The following PLPPR1 variants were observed in gnomAD, a reference collection of about 807,000 sequenced individuals.
The protein encoded by PLPPR1 is phospholipid phosphatase related 1.
Under a neutral mutation model 33.1 loss-of-function variants are expected in PLPPR1, and 10 were observed. That is an observed-to-expected ratio of 0.30 (90% confidence interval 0.19 to 0.51). The LOEUF is 0.51. Among genes scored for constraint, PLPPR1 ranks in the 20% least tolerant of loss-of-function variants. The probability of loss-of-function intolerance (pLI) is 0.97; values close to 1 mark genes in which losing one functional copy is unlikely to be tolerated. For missense variants in PLPPR1, 304 were observed against 408.1 expected, an observed-to-expected ratio of 0.74 and a Z score of 2.20; for synonymous variants, 151 against 151.0, an observed-to-expected ratio of 1.00 and a Z score of 0.00.
At chr9:101,059,604 C>A (rs1011223387) in intron 1 of PLPPR1, among the ~76,000 whole-genome samples, 2 of 151,940 alleles carry the variant, frequency 1.3e-5, no homozygotes, top group South Asian at 2.1e-4. Context: ...ATAAGGAACT[C>A]AAGCAACTCA....
intron 1 of PLPPR1, among the ~76,000 whole-genome samples, chr9:101,172,482 A>G (rs1358946106): frequency 1.3e-5 from 2 of 152,102 alleles, no homozygotes; most frequent in African/African-American, 4.8e-5. Flanking sequence ...CTGGTGAGTT[A>G]GTTAGGAGGT....
At chr9:101,161,285 G>A (rs754177981) in intron 1 of PLPPR1, among the ~76,000 whole-genome samples, 1 of 152,142 alleles carries the variant, frequency 6.6e-6, no homozygotes, top group South Asian at 2.1e-4. Context: ...CAAAGATGAC[G>A]AGAAGAATAT....
intron 2 of PLPPR1, among the ~76,000 whole-genome samples, chr9:101,200,335 T>C (rs2915422): frequency 0.88 from 134,415 of 152,070 alleles, 59,489 homozygotes; most frequent in East Asian, 0.96. Context: ...TTTCCCATCC[T>C]ATCCCATCCC....
intron 1 of PLPPR1, among the ~76,000 whole-genome samples, chr9:101,069,399 T>G (rs1830457548): frequency 6.6e-6 from 1 of 152,110 alleles, no homozygotes; most frequent in Admixed American, 6.6e-5. Context: ...TTAGAATCAC[T>G]GTGTTGCAGG....
chr9:101,169,600 G>A (rs1415966187), intron 1 of PLPPR1, among the ~76,000 whole-genome samples: 1 of 151,818 alleles, frequency 6.6e-6, no homozygotes, highest in African/African-American at 2.4e-5. Context: ...TGTTCTTATT[G>A]TTGTCTTAAA....
At chr9:101,035,638 T>A (rs1830000692) in intron 1 of PLPPR1, among the ~76,000 whole-genome samples, 1 of 152,292 alleles carries the variant, frequency 6.6e-6, no homozygotes. Flanking sequence ...ACTCTGTATT[T>A]TTTTGTGCCT....
chr9:101,205,449 A>G (rs139287053), intron 2 of PLPPR1, among the ~76,000 whole-genome samples: 5 of 152,332 alleles, frequency 3.3e-5, no homozygotes, highest in African/African-American at 7.2e-5. Context: ...CTAAGAAGAC[A>G]TAAATCATGA....
At chr9:101,187,801 A>G (rs893904703) in intron 2 of PLPPR1, 1 of 151,974 alleles carries the variant, frequency 6.6e-6, no homozygotes, top group African/African-American at 2.4e-5. Context: ...CATCAAGACA[A>G]AATCTTAAAG....
chr9:101,047,129 TACA>T (rs1830161545), intron 1 of PLPPR1, among the ~76,000 whole-genome samples: 1 of 152,230 alleles, frequency 6.6e-6, no homozygotes, highest in Non-Finnish European at 1.5e-5. Flanking sequence ...CCCTAGATAA[TACA>T]TCTTTTCTTC....
At chr9:101,231,598 C>A (rs1306377840) in intron 2 of PLPPR1, among the ~76,000 whole-genome samples, 1 of 151,900 alleles carries the variant, frequency 6.6e-6, no homozygotes, top group Non-Finnish European at 1.5e-5. Context: ...CTTTTTCTTT[C>A]GAATTTGTTT....
intron 1 of PLPPR1, among the ~76,000 whole-genome samples, chr9:101,121,810 G>A (rs899493003): frequency 3.9e-5 from 6 of 152,188 alleles, no homozygotes; most frequent in Non-Finnish European, 8.8e-5. Context: ...TCTTCCAGAA[G>A]GTAGCAGCTT....
intron 1 of PLPPR1, among the ~76,000 whole-genome samples, chr9:101,146,433 T>A (rs1455651433): frequency 1.3e-5 from 2 of 152,098 alleles, no homozygotes; most frequent in Non-Finnish European, 2.9e-5. Context: ...CCTAGAACAC[T>A]CCAAAAACTA....
chr9:101,291,573 G>A (rs1012291526), intron 4 of PLPPR1, among the ~76,000 whole-genome samples: 2 of 152,150 alleles, frequency 1.3e-5, no homozygotes, highest in Non-Finnish European at 2.9e-5. Context: ...CACACGGCCG[G>A]GTACTCCTCT....
intron 2 of PLPPR1, among the ~76,000 whole-genome samples, chr9:101,240,126 T>C (rs982703710): frequency 3.3e-5 from 5 of 152,062 alleles, no homozygotes; most frequent in Non-Finnish European, 5.9e-5. Flanking sequence ...ATCCAGTTTT[T>C]TTCTGCATCA....
intron 1 of PLPPR1, among the ~76,000 whole-genome samples, chr9:101,071,146 G>T (rs1247295731): frequency 6.6e-6 from 1 of 152,102 alleles, no homozygotes; most frequent in East Asian, 1.9e-4. Flanking sequence ...ATGTCAGCCT[G>T]CCCTAAGAGA....
chr9:101,173,760 C>G (rs1447790014), intron 1 of PLPPR1, among the ~76,000 whole-genome samples: 1 of 152,092 alleles, frequency 6.6e-6, no homozygotes, highest in Admixed American at 6.6e-5. Flanking sequence ...TTTCTCTCTC[C>G]CCTTGAAGAG....
intron 1 of PLPPR1, among the ~76,000 whole-genome samples, chr9:101,139,764 G>A (rs1044882472): frequency 6.6e-6 from 1 of 152,132 alleles, no homozygotes; most frequent in Non-Finnish European, 1.5e-5. Flanking sequence ...ACATTTTTAG[G>A]TTCACAGCAA....
chr9:101,180,598 A>G (rs954576105), intron 1 of PLPPR1, among the ~76,000 whole-genome samples: 3 of 152,016 alleles, frequency 2.0e-5, no homozygotes, highest in Admixed American at 6.6e-5. Flanking sequence ...TTTGTGGTCA[A>G]TTGATTTTCA....
intron 1 of PLPPR1, among the ~76,000 whole-genome samples, chr9:101,061,877 T>C (rs1200780318): frequency 1.3e-5 from 2 of 152,018 alleles, no homozygotes; most frequent in African/African-American, 4.8e-5. Context: ...CTCTAAAATC[T>C]GAACGAAATT....
Sources: gnomAD v4.1 joint callset for allele counts (sites outside exome capture counted in the v4.1 genomes callset) on GRCh38, gnomAD v4.1.1 for gene constraint, MANE v1.5 for transcripts, NCBI Gene and HGNC (gene_info 2026-07-23, HGNC 2026-07-21) for gene names.